Variants in SLC35B4 observed in about 807,000 individuals in gnomAD.
SLC35B4 encodes the protein nucleotide sugar transporter SLC35B4.
SLC35B4 carries 28 observed loss-of-function variants against 39.5 expected under a neutral mutation model. That is an observed-to-expected ratio of 0.71 (90% CI 0.53 to 0.97). The LOEUF (loss-of-function observed/expected upper bound fraction) is 0.97. Ranked by LOEUF, SLC35B4 falls within the 50% of genes least tolerant of loss-of-function variation. The pLI is 0.00. For synonymous variants in SLC35B4, 145 were observed against 150.4 expected (o/e 0.96, Z 0.26); for missense variants, 334 against 414.3 (o/e 0.81, Z 1.68).
upstream of SLC35B4, chr7:134,316,943 G>T (rs1450292921): frequency 1.7e-6 from 1 of 596,894 alleles, no homozygotes; most frequent in Non-Finnish European, 3.0e-6. Context: ...GCTGTAGTTC[G>T]CAGTCAGCTT....
chr7:134,299,680 C>A lies in SLC35B4; in HGVS notation c.598-82G>T, dbSNP rs2075372. 1,826 of 1,238,024 alleles carry A rather than the reference C, an allele frequency of 1.5e-3. 23 individuals carry two copies. In the African/African-American group the frequency reaches 0.025, roughly 17 times the overall value. 76.7% of individuals were successfully genotyped at this position (1,238,024 alleles called of 1,614,324 possible). On this transcript the variant is annotated intron_variant, in intron 7 of 9. Coordinates refer to ENST00000378509, the MANE Select transcript of SLC35B4 (RefSeq NM_032826.5). Reference sequence around the variant, plus strand: ...GAGTAGCTTTACAATGATTAAAAGTCGTACAGGTTGTTTGACAGCAATACA... The same window carrying A: ...GAGTAGCTTTACAATGATTAAAAGTAGTACAGGTTGTTTGACAGCAATACA...
rs1237124511 is a variant in SLC35B4 at position 134,304,846 on chromosome 7, T to C, written c.303A>G (p.Leu101=). 1.9e-6 allele frequency: 3 copies of C among 1,612,642 alleles called. No individual in the cohort carries two copies. Among genetic ancestry groups the C allele is most frequent in the South Asian group, 1.1e-5 (1 of 91,020 alleles). Residue 101 remains leucine, a synonymous_variant, in exon 4 of 10, where the codon CTA becomes CTG. Transcript: ENST00000378509. ...PLHMIFRSGS[L]IANMILGIII... ...TAATTCCTAGAATCATGTTGGCAAT[T>C]AGAGAACCCTGCAAAAGGAGACAAC...
At chr7:134,296,716 T>C (rs1319228242) in intron 8 of SLC35B4, among the ~76,000 whole-genome samples, 1 of 152,190 alleles carries the variant, frequency 6.6e-6, no homozygotes, top group African/African-American at 2.4e-5. Context: ...TTTGCCTGAA[T>C]AGTACCTCAC....
intron 2 of SLC35B4, among the ~76,000 whole-genome samples, chr7:134,308,250 G>T (rs1803755189): frequency 6.6e-6 from 1 of 152,152 alleles, no homozygotes. Context: ...AAGTGAAATT[G>T]ATGGATGAAG....
rs1803785903 is a variant in SLC35B4 at position 134,309,476 on chromosome 7, C to T, written c.81G>A (p.Lys27=). ...NVIFLELLAR[K]HPGCGNIVTF... is the part of the protein sequence containing the mutation. ...TCACAATGTTCCCACATCCTGGATG[C>T]TTCCTGTATAGTGAATAATAAAAGA... is the stretch of plus-strand genomic sequence containing the variant. The change falls in exon 2 of 10, where the codon AAG becomes AAA. Residue 27 remains lysine, a synonymous_variant. Coordinates refer to ENST00000378509, the MANE Select transcript of SLC35B4 (RefSeq NM_032826.5). The T allele has an allele frequency of 6.2e-7, 1 of 1,606,002 alleles. No individual in the cohort carries two copies. Among genetic ancestry groups the T allele is most frequent in the East Asian group, 2.2e-5 (1 of 44,842 alleles).
upstream of SLC35B4, among the ~76,000 whole-genome samples, chr7:134,318,664 C>A (rs917031188): frequency 6.6e-6 from 1 of 152,152 alleles, no homozygotes; most frequent in African/African-American, 2.4e-5. Context: ...GAGGTGATTT[C>A]TCTTCACACA....
Position 134,289,545 on chromosome 7 carries a change from A to C in SLC35B4, c.*5288T>G. 6.5e-6 allele frequency: 1 copy of C among 152,728 alleles called. No homozygotes were observed. The allele number at this position is 152,728 out of a possible 1,614,324, so 9.5% of individuals were successfully genotyped here. A position where few individuals can be genotyped will look rare whatever the true frequency, so the allele number is the denominator to read the frequency against. On this transcript the variant is annotated 3_prime_UTR_variant, in exon 10 of 10. Transcript: ENST00000378509. ...AAAACCTAATGGTAATACTGTATGA[A>C]GAGCTCAGACGGGATGAATAAAATC...
rs368033441 is a variant in SLC35B4 at position 134,299,467 on chromosome 7, C to T, written c.673+56G>A. ...GGCCGAGGTCAAGTCAAGAGTAAAA[C>T]TGAGACTCTGCCTCAGAAACTGTCA... On this transcript the variant is annotated intron_variant, in intron 8 of 9. Transcript: ENST00000378509. 1.1e-4 allele frequency: 151 copies of T among 1,423,186 alleles called. 1 individual carries two copies. In the African/African-American group the frequency reaches 1.5e-3, roughly 14 times the overall value. The allele number at this position is 1,423,186 out of a possible 1,614,324, so 88.2% of individuals were successfully genotyped here.
chr7:134,312,361 C>T (rs1803865117), intron 1 of SLC35B4, among the ~76,000 whole-genome samples: 1 of 152,108 alleles, frequency 6.6e-6, no homozygotes, highest in Admixed American at 6.5e-5. Flanking sequence ...GAACAATTAT[C>T]AAGACTCAAT....
At chr7:134,308,816 T>C (rs1051189788) in intron 2 of SLC35B4, among the ~76,000 whole-genome samples, 1 of 152,218 alleles carries the variant, frequency 6.6e-6, no homozygotes, top group Non-Finnish European at 1.5e-5. Flanking sequence ...TTATGCACAT[T>C]TGGACTAATG....
intron 8 of SLC35B4, among the ~76,000 whole-genome samples, chr7:134,297,804 G>A (rs1803499592): frequency 6.6e-6 from 1 of 152,200 alleles, no homozygotes; most frequent in Non-Finnish European, 1.5e-5. Flanking sequence ...GGGAGGCCAA[G>A]GCAGGAGGAT....
chr7:134,315,992 C>CTTTTT (rs5887674), intron 1 of SLC35B4, among the ~76,000 whole-genome samples: 1 of 148,410 alleles, frequency 6.7e-6, no homozygotes, highest in African/African-American at 2.5e-5. Flanking sequence ...CTTCTACTTG[C>CTTTTT]TTTTTTTTTT....
chr7:134,308,975 C>T (rs1803772711), intron 2 of SLC35B4, among the ~76,000 whole-genome samples: 1 of 152,174 alleles, frequency 6.6e-6, no homozygotes, highest in African/African-American at 2.4e-5. Flanking sequence ...GTAACTACTA[C>T]CTCTATTTAT....
In SLC35B4 at chr7:134,316,747, C is replaced by A. The variant is rs1241148961; in HGVS notation, c.5G>T (p.Arg2Leu). The part of the protein sequence containing the change: M[R>L]PALAVGLVFA... ...CACCAGGCCCACCGCCAAGGCCGGGCGCATGGCCGGTGCAGGGTTGGGGAA... is the reference window on the plus strand; with the variant it reads ...CACCAGGCCCACCGCCAAGGCCGGGAGCATGGCCGGTGCAGGGTTGGGGAA... The change falls in exon 1 of 10, where the codon CGC becomes CTC. Residue 2 changes from arginine to leucine, a missense_variant. By Grantham distance (102) the Arg-to-Leu change is moderately radical. Transcript: ENST00000378509. 2 of 1,548,788 alleles carry A rather than the reference C, an allele frequency of 1.3e-6. No individual in the cohort carries two copies. Among genetic ancestry groups the A allele is most frequent in the African/African-American group, 1.4e-5 (1 of 73,036 alleles).
At chr7:134,295,271 C>T in intron 9 of SLC35B4, 192 bp from the exon 10 acceptor site, 1 of 638,882 alleles carries the variant, frequency 1.6e-6, no homozygotes, top group Non-Finnish European at 2.6e-6. Flanking sequence ...TTTATGGGTA[C>T]CAATTTGAAA....
chr7:134,299,282 C>T (rs939273516), intron 8 of SLC35B4: 13 of 425,086 alleles, frequency 3.1e-5, no homozygotes, highest in Admixed American at 2.4e-4. Flanking sequence ...AATGCAAACA[C>T]ACAAATTCCA....
Position 134,316,919 on chromosome 7 carries a change from GA to G in SLC35B4, c.-169del. On this transcript the variant is annotated 5_prime_UTR_variant, in exon 1 of 10. Transcript: ENST00000378509. ...CTCCCCTTCTCCCGCGGCCAACACC[GA>G]CGCTGCCAAGAAGCTGTAGTTCGCA... is the stretch of plus-strand genomic sequence containing the variant. The G allele has an allele frequency of 3.2e-6, 2 of 626,248 alleles. No individual in the cohort carries two copies. The highest frequency in any genetic ancestry group is 5.5e-6 in the Non-Finnish European group (2 of 362,342). The allele number at this position is 626,248 out of a possible 1,614,324, so 38.8% of individuals were successfully genotyped here.
chr7:134,300,812 C>A (rs1190763358), intron 6 of SLC35B4, among the ~76,000 whole-genome samples: 2 of 152,080 alleles, frequency 1.3e-5, no homozygotes. Flanking sequence ...CATTTATACC[C>A]AAACTATTTT....
At chr7:134,316,944 C>A, upstream of SLC35B4, 1 of 597,092 alleles carries the variant, frequency 1.7e-6, no homozygotes, top group Non-Finnish European at 3.0e-6. Flanking sequence ...CTGTAGTTCG[C>A]AGTCAGCTTC....
Sources: gnomAD v4.1 joint callset for allele counts (sites outside exome capture counted in the v4.1 genomes callset) on GRCh38, gnomAD v4.1.1 for gene constraint, MANE v1.5 for transcripts, NCBI Gene and HGNC (gene_info 2026-07-23, HGNC 2026-07-21) for gene names.